DPP10: variants seen among roughly 807,000 people sequenced by gnomAD.
DPP10 encodes the protein inactive dipeptidyl peptidase 10.
In DPP10, 33 loss-of-function variants were observed where a neutral mutation model predicts 120.9. That is an observed-to-expected ratio of 0.27 (90% CI 0.21 to 0.37). DPP10 has a LOEUF of 0.37. DPP10 is among the 10% of genes least tolerant of loss of function. DPP10 has a pLI of 1.00. For synonymous variants in DPP10, 337 were observed against 326.1 expected (o/e 1.03, Z -0.36); for missense variants, 816 against 942.8 (o/e 0.87, Z 1.76).
chr2:115,482,143 T>G (rs950016565), intron 3 of DPP10, among the ~76,000 whole-genome samples: 1 of 152,010 alleles, frequency 6.6e-6, no homozygotes, highest in Non-Finnish European at 1.5e-5. Context: ...GTTTCCGTTT[T>G]GGTCATCACT....
chr2:114,580,139 G>C (rs537015710), intron 1 of DPP10, among the ~76,000 whole-genome samples: 27 of 152,274 alleles, frequency 1.8e-4, no homozygotes, highest in African/African-American at 5.3e-4. Flanking sequence ...GCAGTGCTAC[G>C]GGTAAGGCCT....
intron 1 of DPP10, among the ~76,000 whole-genome samples, chr2:115,058,503 G>A (rs756061453): frequency 6.6e-6 from 1 of 152,160 alleles, no homozygotes; most frequent in Non-Finnish European, 1.5e-5. Flanking sequence ...GGATTCAAGC[G>A]CTTCTCATGC....
intron 1 of DPP10, among the ~76,000 whole-genome samples, chr2:115,177,583 C>T (rs1573904428): frequency 6.6e-6 from 1 of 152,188 alleles, no homozygotes; most frequent in African/African-American, 2.4e-5. Flanking sequence ...TGCAGCTCCT[C>T]ATTCTGTCAT....
intron 3 of DPP10, among the ~76,000 whole-genome samples, chr2:115,485,251 AAAAAAC>A (rs1476327815): frequency 2.0e-5 from 3 of 151,492 alleles, no homozygotes; most frequent in East Asian, 1.9e-4. Context: ...AAAAAAAAAA[AAAAAAC>A]AAACAAAAAC....
intron 1 of DPP10, among the ~76,000 whole-genome samples, chr2:114,670,535 T>TG (rs1055778130): frequency 4.9e-5 from 6 of 123,698 alleles, no homozygotes; most frequent in African/African-American, 1.9e-4. Flanking sequence ...TGTTGTGGGG[T>TG]GGGGGGAGTG....
At chr2:115,771,310 G>A (rs1303341870) in intron 13 of DPP10, among the ~76,000 whole-genome samples, 1 of 152,060 alleles carries the variant, frequency 6.6e-6, no homozygotes, top group African/African-American at 2.4e-5. Flanking sequence ...CTGACATCAG[G>A]TGATCCACCT....
intron 1 of DPP10, among the ~76,000 whole-genome samples, chr2:114,657,109 T>C (rs1697020136): frequency 6.6e-6 from 1 of 152,112 alleles, no homozygotes. Flanking sequence ...GGAAGATTAA[T>C]GGGTAATTTC....
intron 1 of DPP10, among the ~76,000 whole-genome samples, chr2:115,014,862 CA>C (rs144688918): frequency 2.9e-3 from 338 of 118,592 alleles, no homozygotes; most frequent in Middle Eastern, 9.6e-3. Context: ...GCCTACCAAC[CA>C]AAAAAAAAAA....
At chr2:115,190,106 T>C (rs573261452) in intron 1 of DPP10, among the ~76,000 whole-genome samples, 1 of 152,336 alleles carries the variant, frequency 6.6e-6, no homozygotes, top group East Asian at 1.9e-4. Context: ...TAGCCCCTAA[T>C]TGCTCAGCTA....
intron 5 of DPP10, among the ~76,000 whole-genome samples, chr2:115,577,581 G>T (rs1575226246): frequency 6.6e-6 from 1 of 152,184 alleles, no homozygotes; most frequent in Admixed American, 6.5e-5. Flanking sequence ...CTATAATAAA[G>T]TACTGTCGAT....
chr2:115,775,118 G>A (rs1681939627), intron 13 of DPP10, among the ~76,000 whole-genome samples: 1 of 151,770 alleles, frequency 6.6e-6, no homozygotes, highest in Admixed American at 6.6e-5. Context: ...ATAAACAACA[G>A]TTTTTAATAT....
At chr2:115,605,249 A>G (rs973932029) in intron 5 of DPP10, among the ~76,000 whole-genome samples, 5 of 152,150 alleles carry the variant, frequency 3.3e-5, no homozygotes, top group African/African-American at 4.8e-5. Flanking sequence ...CTGATAAGAA[A>G]CATAATAGTA....
chr2:115,657,944 A>C (rs1354338373), intron 5 of DPP10, among the ~76,000 whole-genome samples: 6 of 151,924 alleles, frequency 3.9e-5, no homozygotes, highest in Admixed American at 2.6e-4. Context: ...GAGCATAGGT[A>C]CATGTTGCCC....
intron 1 of DPP10, among the ~76,000 whole-genome samples, chr2:115,186,211 C>G (rs995186637): frequency 1.1e-4 from 17 of 152,170 alleles, no homozygotes; most frequent in African/African-American, 3.4e-4. Flanking sequence ...TCTTAGTTCT[C>G]TTAGCTTTGT....
At chr2:115,633,142 T>A (rs1011464344) in intron 5 of DPP10, among the ~76,000 whole-genome samples, 1 of 152,212 alleles carries the variant, frequency 6.6e-6, no homozygotes, top group African/African-American at 2.4e-5. Flanking sequence ...GTATGTTTAT[T>A]ATGGCACTAT....
chr2:115,705,588 G>A (rs1459220367), intron 7 of DPP10, among the ~76,000 whole-genome samples: 1 of 151,814 alleles, frequency 6.6e-6, no homozygotes, highest in Non-Finnish European at 1.5e-5. Flanking sequence ...ATTTCTAGTT[G>A]GTAGAATGAT....
chr2:114,966,011 A>AAAGAGG, intron 1 of DPP10, among the ~76,000 whole-genome samples: 1 of 151,834 alleles, frequency 6.6e-6, no homozygotes, highest in East Asian at 1.9e-4. Context: ...AAAGAAAGAT[A>AAAGAGG]AAGAGGAACA....
intron 1 of DPP10, among the ~76,000 whole-genome samples, chr2:115,054,881 C>T: frequency 6.6e-6 from 1 of 152,146 alleles, no homozygotes; most frequent in East Asian, 1.9e-4. Flanking sequence ...CACTGCACTC[C>T]AGCCTGGGTG....
At chr2:114,565,553 A>G (rs1040496810) in intron 1 of DPP10, among the ~76,000 whole-genome samples, 7 of 152,228 alleles carry the variant, frequency 4.6e-5, no homozygotes, top group African/African-American at 1.4e-4. Flanking sequence ...TGTACTTCGC[A>G]GATTATTTAG....
Sources: allele counts gnomAD v4.1 joint callset (sites outside exome capture counted in the v4.1 genomes callset), GRCh38; gene constraint gnomAD v4.1.1; transcripts MANE v1.5; gene names NCBI Gene and HGNC (gene_info 2026-07-23, HGNC 2026-07-21).